Variants in RFX6 observed in about 807,000 individuals in gnomAD.
RFX6 encodes regulatory factor X6.
RFX6 carries 50 observed loss-of-function variants against 110.8 expected under a neutral mutation model. The observed-to-expected ratio is 0.45, with a 90% CI of 0.36 to 0.57. RFX6 has a LOEUF of 0.57. Ranked by LOEUF, RFX6 falls within the 20% of genes least tolerant of loss-of-function variation. The probability of loss-of-function intolerance (pLI) is 0.00; values close to 1 mark genes in which losing one functional copy is unlikely to be tolerated. For synonymous variants in RFX6, 383 were observed against 411.2 expected (o/e 0.93, Z 0.83); for missense variants, 990 against 1,127.0 (o/e 0.88, Z 1.74).
intron 6 of RFX6, among the ~76,000 whole-genome samples, chr6:116,899,585 C>T (rs1775022989): frequency 6.6e-6 from 1 of 151,958 alleles, no homozygotes; most frequent in African/African-American, 2.4e-5. Context: ...TTTTCTGTGT[C>T]CTTTTTGGAG....
At chr6:116,888,686 A>G (rs1488286728) in intron 4 of RFX6, among the ~76,000 whole-genome samples, 3 of 152,146 alleles carry the variant, frequency 2.0e-5, no homozygotes, top group Non-Finnish European at 4.4e-5. Flanking sequence ...TTAAACAACT[A>G]TTTCTTCCAC....
chr6:116,927,161 G>T lies in RFX6; in HGVS notation c.2020G>T (p.Ala674Ser), dbSNP rs759553166. 3.5e-5 allele frequency: 56 copies of T among 1,614,030 alleles called. No individual in the cohort carries two copies. Among genetic ancestry groups the T allele is most frequent in the Admixed American group, 6.7e-5 (4 of 59,984 alleles). Residue 674 changes from alanine (A) to serine (S), a missense_variant, in exon 17 of 19, where the codon GCT (alanine) becomes TCT (serine). By Grantham distance (99) the Ala-to-Ser change is moderately conservative. Transcript: ENST00000332958. ...CCCAAGTGTGGGCCCAGTACTGTCA[G>T]CTCCATCACACTGCTCCACATACCC... ...RPPSVGPVLS[A>S]PSHCSTYPEP...
intron 6 of RFX6, among the ~76,000 whole-genome samples, chr6:116,910,552 G>T (rs1775328418): frequency 6.6e-6 from 1 of 152,110 alleles, no homozygotes; most frequent in South Asian, 2.1e-4. Context: ...AAAAAGGAAG[G>T]TTGGATTTGA....
rs762602065 is a variant in RFX6 at position 116,923,165 on chromosome 6, G to A, written c.1496G>A (p.Trp499Ter). 2 of 1,610,904 alleles carry A rather than the reference G, an allele frequency of 1.2e-6. No individual in the cohort carries two copies. Among genetic ancestry groups the A allele is most frequent in the Non-Finnish European group, 1.7e-6 (2 of 1,177,186 alleles). ...KKRAQDFLLK[W>*]SFFGARVMHN... ...AGAGCTCAAGACTTTCTGTTAAAGT[G>A]GAGTTTTTTTGGTGCTCGAGTAATG... The change falls in exon 14 of 19, where the codon TGG becomes TAG. Residue 499 changes from tryptophan to a stop codon, truncating the protein, a stop_gained. Transcript: ENST00000332958. LOFTEE classifies it high-confidence loss of function.
At chr6:116,917,112 G>A (rs1170232183) in intron 9 of RFX6, among the ~76,000 whole-genome samples, 1 of 152,092 alleles carries the variant, frequency 6.6e-6, no homozygotes, top group Non-Finnish European at 1.5e-5. Context: ...TCTCAGCTTT[G>A]CAGAAAAGTA....
chr6:116,912,157 C>A (rs1336390011), intron 7 of RFX6, among the ~76,000 whole-genome samples: 1 of 151,942 alleles, frequency 6.6e-6, no homozygotes, highest in Non-Finnish European at 1.5e-5. Context: ...CATAAAATGG[C>A]AACAGTAGAC....
intron 6 of RFX6, among the ~76,000 whole-genome samples, chr6:116,901,727 C>T (rs1047893283): frequency 1.3e-5 from 2 of 152,068 alleles, no homozygotes; most frequent in African/African-American, 4.8e-5. Context: ...TTAGCAATAA[C>T]TAAAATGTCT....
At position 116,890,297 on chromosome 6, in the gene RFX6, T is replaced by C. The variant is rs941159613; in HGVS notation, c.567-3690T>C. Among the ~76,000 whole-genome samples, 6 of 152,286 alleles carry C rather than the reference T, an allele frequency of 3.9e-5. No homozygotes were observed. In the East Asian group the frequency reaches 1.2e-3, roughly 29 times the overall value. ...CGGCTGCTGTGAAAATTTGAGATCATGTACACATACAATTCTTTGCATGTA... is the reference window on the plus strand; with the variant it reads ...CGGCTGCTGTGAAAATTTGAGATCACGTACACATACAATTCTTTGCATGTA... On this transcript the variant is annotated intron_variant, in intron 4 of 18. Coordinates refer to ENST00000332958, the MANE Select transcript of RFX6 (RefSeq NM_173560.4).
chr6:116,878,903 A>G (rs1219832375), intron 2 of RFX6, among the ~76,000 whole-genome samples: 2 of 151,880 alleles, frequency 1.3e-5, no homozygotes, highest in African/African-American at 4.8e-5. Flanking sequence ...ACCCTTTCAA[A>G]ATATTTGAAA....
At position 116,877,252 on chromosome 6, in the gene RFX6, C is replaced by CGG; in HGVS notation, c.-23_-22dup. On this transcript the variant is annotated 5_prime_UTR_variant, in exon 1 of 19. Transcript: ENST00000332958. ...TGGGGAACCGGCCGAGCGGCGCGCG[C>CGG]GGAGGTGTCCGGCGGCCAGGAGGAT... is the stretch of plus-strand genomic sequence containing the variant. The CGG allele has an allele frequency of 1.3e-6, 2 of 1,575,054 alleles. No individual in the cohort carries two copies. Among genetic ancestry groups the CGG allele is most frequent in the South Asian group, 2.3e-5 (2 of 87,832 alleles).
intron 4 of RFX6, among the ~76,000 whole-genome samples, chr6:116,891,772 C>T (rs771532960): frequency 6.6e-6 from 1 of 152,132 alleles, no homozygotes; most frequent in Non-Finnish European, 1.5e-5. Context: ...ATTAATATAG[C>T]TCCTTTGGTA....
At chr6:116,906,621 A>G (rs1440981449) in intron 6 of RFX6, among the ~76,000 whole-genome samples, 1 of 151,884 alleles carries the variant, frequency 6.6e-6, no homozygotes, top group Admixed American at 6.6e-5. Context: ...TTTTGATGCT[A>G]TTGTAGATGA....
At chr6:116,914,150 T>TA (rs1464509227) in intron 7 of RFX6, among the ~76,000 whole-genome samples, 1 of 152,216 alleles carries the variant, frequency 6.6e-6, no homozygotes, top group Non-Finnish European at 1.5e-5. Context: ...TCCACTTGTT[T>TA]AGGTCCCACA....
At chr6:116,878,991 G>C (rs576644802) in intron 2 of RFX6, among the ~76,000 whole-genome samples, 2 of 151,904 alleles carry the variant, frequency 1.3e-5, no homozygotes, top group Admixed American at 6.5e-5. Context: ...GAATATACTA[G>C]AGCAGTTAAG....
intron 10 of RFX6, among the ~76,000 whole-genome samples, chr6:116,918,319 G>T (rs940907745): frequency 9.9e-5 from 15 of 152,006 alleles, no homozygotes. Context: ...GTGAAAAATA[G>T]ATTTAAGCAC....
At chr6:116,896,219 C>T (rs339343) in intron 6 of RFX6, among the ~76,000 whole-genome samples, 67,049 of 151,936 alleles carry the variant, frequency 0.44, 15,717 homozygotes, top group African/African-American at 0.6. Flanking sequence ...AGCCCTCTGC[C>T]GATAAATGGC....
At position 116,879,699 on chromosome 6, in the gene RFX6, T is replaced by G. The variant is rs139004150; in HGVS notation, c.381-845T>G. ...TAAAATTGGTATAAGTAAATTTTAGTCAAAATCACCTACTGAACTGTTAGG... is the reference window on the plus strand; with the variant it reads ...TAAAATTGGTATAAGTAAATTTTAGGCAAAATCACCTACTGAACTGTTAGG... On this transcript the variant is annotated intron_variant, in intron 2 of 18. Transcript: ENST00000332958. Among the ~76,000 whole-genome samples the G allele has an allele frequency of 2.4e-3, 359 of 152,064 alleles. 2 individuals are homozygous for G. Among genetic ancestry groups the G allele is most frequent in the African/African-American group, 8.3e-3 (343 of 41,568 alleles).
chr6:116,915,545 A>G (rs532885591), intron 7 of RFX6, among the ~76,000 whole-genome samples: 12 of 152,278 alleles, frequency 7.9e-5, no homozygotes, highest in Admixed American at 2.6e-4. Context: ...ATTTGAAACC[A>G]TTATGCCATA....
At chr6:116,882,754 G>T (rs575486584) in intron 4 of RFX6, among the ~76,000 whole-genome samples, 21 of 152,186 alleles carry the variant, frequency 1.4e-4, no homozygotes, top group African/African-American at 5.1e-4. Flanking sequence ...CCCAAACCAG[G>T]GGGTAAAGAG....
Sources: gnomAD v4.1 joint callset for allele counts (sites outside exome capture counted in the v4.1 genomes callset) on GRCh38, gnomAD v4.1.1 for gene constraint, MANE v1.5 for transcripts, NCBI Gene and HGNC (gene_info 2026-07-23, HGNC 2026-07-21) for gene names.